The following LAMA2 variants were observed in gnomAD, a reference collection of about 807,000 sequenced individuals.
LAMA2 encodes the protein laminin subunit alpha 2, also known as laminin subunit alpha-2.
A neutral mutation model predicts 364.8 loss-of-function variants in LAMA2; 269 were observed. The ratio of observed to expected loss-of-function variants is 0.74; its 90% CI spans 0.67 to 0.82. The LOEUF (loss-of-function observed/expected upper bound fraction) is 0.82. Ranked by LOEUF, LAMA2 falls within the 40% of genes least tolerant of loss-of-function variation. The pLI is 0.00. For missense variants in LAMA2, 3,807 were observed against 3,873.2 expected (o/e 0.98, Z 0.45); for synonymous variants, 1,379 against 1,370.6 (o/e 1.01, Z -0.14).
intron 3 of LAMA2, 138 bp downstream of exon 3, chr6:129,060,034 G>C: frequency 5.9e-6 from 4 of 681,020 alleles, no homozygotes; most frequent in Non-Finnish European, 1.1e-5. Flanking sequence ...ATGAACAAAG[G>C]GTCCTATTCA....
chr6:128,903,857 T>G (rs1200979067), intron 1 of LAMA2, among the ~76,000 whole-genome samples: 1 of 152,142 alleles, frequency 6.6e-6, no homozygotes, highest in Admixed American at 6.5e-5. Context: ...GCTGAAGAAG[T>G]AGACAGAGAC....
intron 1 of LAMA2, among the ~76,000 whole-genome samples, chr6:128,914,389 A>C (rs1476151640): frequency 6.6e-6 from 1 of 152,212 alleles, no homozygotes; most frequent in Non-Finnish European, 1.5e-5. Flanking sequence ...TGCTGAAATC[A>C]GCGAACAAAA....
intron 1 of LAMA2, among the ~76,000 whole-genome samples, chr6:129,022,654 C>G (rs1562160350): frequency 6.6e-6 from 1 of 152,128 alleles, no homozygotes; most frequent in Non-Finnish European, 1.5e-5. Flanking sequence ...ATAAAATCAT[C>G]ATACTTCAAA....
chr6:128,884,828 G>C (rs939350060), intron 1 of LAMA2, among the ~76,000 whole-genome samples: 3 of 152,172 alleles, frequency 2.0e-5, no homozygotes, highest in South Asian at 2.1e-4. Context: ...AGGCAGCTGG[G>C]AGAAATGAGG....
chr6:129,170,924 T>C (rs1255206532), intron 9 of LAMA2, among the ~76,000 whole-genome samples: 60 of 151,236 alleles, frequency 4.0e-4, no homozygotes, highest in African/African-American at 1.4e-3. Flanking sequence ...TTTACCATTA[T>C]GTAATGGCCT....
chr6:128,979,263 C>T (rs1041961361), intron 1 of LAMA2, among the ~76,000 whole-genome samples: 18 of 152,294 alleles, frequency 1.2e-4, no homozygotes, highest in Middle Eastern at 3.4e-3. Flanking sequence ...TCTGGCATAT[C>T]TCCTGATCAG....
intron 1 of LAMA2, among the ~76,000 whole-genome samples, chr6:128,942,053 C>T (rs976995575): frequency 2.6e-5 from 4 of 152,130 alleles, no homozygotes; most frequent in African/African-American, 9.7e-5. Flanking sequence ...GAAAACAATT[C>T]CAAGATATAT....
At chr6:129,455,789 A>C (rs1782930395) in intron 47 of LAMA2, among the ~76,000 whole-genome samples, 1 of 152,198 alleles carries the variant, frequency 6.6e-6, no homozygotes. Flanking sequence ...TGTGCCAAAC[A>C]ATAAAAGATA....
Position 129,233,817 on chromosome 6 carries a change from G to A in LAMA2, c.1783-16295G>A, listed in dbSNP as rs1258039609. 2.6e-5 allele frequency among the ~76,000 whole-genome samples: 4 copies of A among 152,154 alleles called. No individual in the cohort carries two copies. In the East Asian group the frequency reaches 5.8e-4, roughly 22 times the overall value. ...AGCAATGGGATAAAAATATCATAGAGATTTTATGGTATTTGTCCTTTTTTT... is the reference window on the plus strand; with the variant it reads ...AGCAATGGGATAAAAATATCATAGAAATTTTATGGTATTTGTCCTTTTTTT... On this transcript the variant is annotated intron_variant, in intron 12 of 64. Coordinates refer to ENST00000421865, the MANE Select transcript of LAMA2 (RefSeq NM_000426.4).
chr6:129,286,509 CTA>C (rs1399627939), intron 18 of LAMA2, among the ~76,000 whole-genome samples: 4 of 133,260 alleles, frequency 3.0e-5, no homozygotes, highest in Non-Finnish European at 4.6e-5. Flanking sequence ...TTGCCATGCC[CTA>C]TAAACAAACT....
chr6:129,511,725 T>TAA (rs34028299), intron 62 of LAMA2, among the ~76,000 whole-genome samples: 28 of 150,464 alleles, frequency 1.9e-4, no homozygotes, highest in Non-Finnish European at 3.1e-4. Flanking sequence ...GCTCAAAGAT[T>TAA]AAAAAAAAAA....
intron 12 of LAMA2, among the ~76,000 whole-genome samples, chr6:129,249,501 G>T (rs1435912835): frequency 6.6e-6 from 1 of 152,192 alleles, no homozygotes; most frequent in Non-Finnish European, 1.5e-5. Context: ...TTAATGAAAA[G>T]AGGATAATAT....
rs1296309852 is a variant in LAMA2, at chr6:129,438,705, G to A, written c.6028G>A (p.Gly2010Arg). Residue 2010 changes from glycine (G) to arginine (R), a missense_variant, in exon 42 of 65, where the codon GGG (glycine) becomes AGG (arginine). Physicochemically the swap from Gly to Arg is moderately radical, Grantham distance 125. This residue lies in a region of LAMA2 where 3,333 missense variants were observed against 3,345.7 expected (regional missense o/e 1.00). Transcript: ENST00000421865. ...TRIENADARNGDLLRTLNDTL... is the reference protein window; with the variant it reads ...TRIENADARNRDLLRTLNDTL... ...GATAGAAAATGCTGATGCTAGAAAT[G>A]GGGATCTCTTGAGAACTTTGAATGA... The A allele has an allele frequency of 2.5e-6, 4 of 1,610,142 alleles. No homozygotes were observed. The highest frequency in any genetic ancestry group is 2.7e-5 in the African/African-American group (2 of 74,778).
chr6:128,960,129 G>A (rs1487358046), intron 1 of LAMA2, among the ~76,000 whole-genome samples: 3 of 151,848 alleles, frequency 2.0e-5, no homozygotes, highest in Non-Finnish European at 2.9e-5. Flanking sequence ...GACCCCAAAT[G>A]TTCTGTAGTT....
intron 41 of LAMA2, among the ~76,000 whole-genome samples, chr6:129,428,734 C>A (rs148474187): frequency 1.3e-5 from 2 of 152,102 alleles, no homozygotes; most frequent in Non-Finnish European, 2.9e-5. Context: ...TGTGAGCCAC[C>A]GTGCCCGGCC....
chr6:128,963,676 A>G (rs1003787420), intron 1 of LAMA2, among the ~76,000 whole-genome samples: 9 of 152,166 alleles, frequency 5.9e-5, no homozygotes, highest in African/African-American at 1.9e-4. Context: ...CCCAGCTTCT[A>G]AGCTAACCAG....
chr6:129,443,039 G>A, intron 43 of LAMA2, 24 bp from the exon 44 acceptor site: 1 of 1,555,388 alleles, frequency 6.4e-7, no homozygotes, highest in East Asian at 2.3e-5. Flanking sequence ...TTTTTGTTTT[G>A]CTTCCATGTG....
intron 4 of LAMA2, among the ~76,000 whole-genome samples, chr6:129,120,315 A>G (rs1220898725): frequency 6.6e-6 from 1 of 152,218 alleles, no homozygotes; most frequent in Non-Finnish European, 1.5e-5. Context: ...TAATGTAATC[A>G]TTTGTAAAAT....
At chr6:128,968,102 T>C (rs2114610734) in intron 1 of LAMA2, among the ~76,000 whole-genome samples, 1 of 152,274 alleles carries the variant, frequency 6.6e-6, no homozygotes, top group South Asian at 2.1e-4. Context: ...GTGAGGCAAC[T>C]AAGGAAGGGC....
Sources: allele counts gnomAD v4.1 joint callset (sites outside exome capture counted in the v4.1 genomes callset), GRCh38; gene constraint gnomAD v4.1.1; regional missense constraint gnomAD v4.1.1; transcripts MANE v1.5; gene names NCBI Gene and HGNC (gene_info 2026-07-23, HGNC 2026-07-21).